The following AP2M1 variants were observed in gnomAD, a reference collection of about 807,000 sequenced individuals.
AP2M1 encodes adaptor related protein complex 2 subunit mu 1.
Under a neutral mutation model 54.5 loss-of-function variants are expected in AP2M1, and 5 were observed. The observed-to-expected ratio is 0.09, with a 90% CI of 0.05 to 0.19. The LOEUF is 0.19. Ranked by LOEUF, AP2M1 falls within the 10% of genes least tolerant of loss-of-function variation. The probability of loss-of-function intolerance (pLI) is 1.00; values close to 1 mark genes in which losing one functional copy is unlikely to be tolerated. For synonymous variants in AP2M1, 186 were observed against 208.2 expected (o/e 0.89, Z 0.92); for missense variants, 178 against 580.2 (o/e 0.31, Z 7.12).
chr3:184,182,437 C>T lies in AP2M1; in HGVS notation c.1061+189C>T, dbSNP rs1318571647. 1.6e-5 allele frequency: 10 copies of T among 629,068 alleles called. No individual in the cohort carries two copies. Among genetic ancestry groups the T allele is most frequent in the Admixed American group, 3.0e-5 (1 of 33,228 alleles). The allele number at this position is 629,068 out of a possible 1,614,324, so 39.0% of individuals were successfully genotyped here. On this transcript the variant is annotated intron_variant, in intron 10 of 11. Transcript: ENST00000292807. This position sits in a 1 kb window ranked among gnomAD's most constrained non-coding sequence, Gnocchi z 5.5. ...ACACGCCTGCATTTGGGTTCATGCA[C>T]GTGCTTATTTTTTAAGATGCTTTGG...
chr3:184,175,268 C>G (rs1715028861), intron 1 of AP2M1, among the ~76,000 whole-genome samples: 1 of 152,126 alleles, frequency 6.6e-6, no homozygotes, highest in Non-Finnish European at 1.5e-5. Context: ...TGCCAACCCC[C>G]TACCCCTCCG....
Position 184,176,935 on chromosome 3 carries a change from C to A in AP2M1, c.-43-16C>A. On this transcript the variant is annotated splice_polypyrimidine_tract_variant and intron_variant, in intron 1 of 11. Coordinates refer to ENST00000292807, the MANE Select transcript of AP2M1 (RefSeq NM_004068.4). ...GATTCTGAGGTCTTCTTTTACCCTGCCCCCGCCTGTCCTAGGTCTGTTCTC... is the reference window on the plus strand; with the variant it reads ...GATTCTGAGGTCTTCTTTTACCCTGACCCCGCCTGTCCTAGGTCTGTTCTC... The A allele has an allele frequency of 6.4e-7, 1 of 1,569,222 alleles. No individual in the cohort carries two copies. The highest frequency in any genetic ancestry group is 8.7e-7 in the Non-Finnish European group (1 of 1,149,124).
chr3:184,177,725 C>A, intron 2 of AP2M1: 2 of 1,014,792 alleles, frequency 2.0e-6, no homozygotes, highest in South Asian at 1.5e-5. Flanking sequence ...CCTGCCTTCT[C>A]ATTCTGCGCC....
At chr3:184,179,697 T>C (rs957200213) in intron 3 of AP2M1, among the ~76,000 whole-genome samples, 1 of 150,700 alleles carries the variant, frequency 6.6e-6, no homozygotes, top group African/African-American at 2.4e-5. Flanking sequence ...GTCTTGCTCT[T>C]GTCACCTATG....
chr3:184,180,601 C>G lies in AP2M1; in HGVS notation c.424-44C>G, dbSNP rs1357619606. On this transcript the variant is annotated intron_variant, in intron 4 of 11. Transcript: ENST00000292807. This position sits in a 1 kb window ranked among gnomAD's most constrained non-coding sequence, Gnocchi z 4.9. ...AGCTTTCTCCTCCTTTTCTGCCTCC[C>G]TTGCTGCTTCATGTGGGCACCTCGT... 9 of 1,613,222 alleles carry G rather than the reference C, an allele frequency of 5.6e-6. No homozygotes were observed. The highest frequency in any genetic ancestry group is 6.8e-6 in the Non-Finnish European group (8 of 1,180,028).
chr3:184,175,228 A>C, intron 1 of AP2M1: 1 of 371,718 alleles, frequency 2.7e-6, no homozygotes. Flanking sequence ...CAGAGCAGGA[A>C]CGCTGCGCAG....
In AP2M1 at chr3:184,181,504, A is replaced by T; in HGVS notation, c.708-192A>T. On this transcript the variant is annotated intron_variant, in intron 7 of 11. Transcript: ENST00000292807. This position sits in a 1 kb window ranked among gnomAD's most constrained non-coding sequence, Gnocchi z 5.7. ...TGCCTGAAACACCCAGGTCCCTAGC[A>T]GAAGGAGCCCCAAGAGATGAGCTTG... 1 of 875,668 alleles carries T rather than the reference A, an allele frequency of 1.1e-6. No individual in the cohort carries two copies. Among genetic ancestry groups the T allele is most frequent in the Non-Finnish European group, 1.7e-6 (1 of 584,698 alleles). 54.2% of individuals were successfully genotyped at this position (875,668 alleles called of 1,614,324 possible). A position where few individuals can be genotyped will look rare whatever the true frequency, so the allele number is the denominator to read the frequency against.
At chr3:184,176,763 T>G in intron 1 of AP2M1, 188 bp from the exon 2 acceptor site, 1 of 501,326 alleles carries the variant, frequency 2.0e-6, no homozygotes, top group African/African-American at 2.0e-5. Context: ...TCTGTTTCTT[T>G]CTCCCATCTA....
chr3:184,177,936 A>G (rs1715130707), intron 2 of AP2M1: 4 of 599,464 alleles, frequency 6.7e-6, no homozygotes, highest in South Asian at 2.0e-5. Context: ...GCGTTTGTCC[A>G]TTGGCTGGTG....
chr3:184,182,612 G>A lies in AP2M1; in HGVS notation c.1062-145G>A. The A allele has an allele frequency of 1.5e-6, 1 of 650,768 alleles. No homozygotes were observed. Among genetic ancestry groups the A allele is most frequent in the Non-Finnish European group, 2.7e-6 (1 of 370,928 alleles). 40.3% of individuals were successfully genotyped at this position (650,768 alleles called of 1,614,324 possible). A position where few individuals can be genotyped will look rare whatever the true frequency, so the allele number is the denominator to read the frequency against. On this transcript the variant is annotated intron_variant, in intron 10 of 11. Transcript: ENST00000292807. This position sits in a 1 kb window ranked among gnomAD's most constrained non-coding sequence, Gnocchi z 5.5. The stretch of plus-strand genomic sequence containing the variant: ...AAAGAAGTAGACCCAAGTTTCCATA[G>A]CAAGTGGTTAGCAGGGTCCTGACCA...
intron 3 of AP2M1, chr3:184,179,497 T>C (rs1333702699): frequency 3.7e-6 from 1 of 273,194 alleles, no homozygotes; most frequent in African/African-American, 2.2e-5. Context: ...GAGTGAGATA[T>C]TACAAGCCTC....
At position 184,182,432 on chromosome 3, in the gene AP2M1, A is replaced by G. The variant is rs2062026720; in HGVS notation, c.1061+184A>G. On this transcript the variant is annotated intron_variant, in intron 10 of 11. Transcript: ENST00000292807. The surrounding 1 kb of genome is among the most constrained non-coding windows in gnomAD (Gnocchi z 5.5). ...TATGTACACGCCTGCATTTGGGTTC[A>G]TGCACGTGCTTATTTTTTAAGATGC... 1.6e-6 allele frequency: 1 copy of G among 638,914 alleles called. No homozygotes were observed. The highest frequency in any genetic ancestry group is 2.7e-6 in the Non-Finnish European group (1 of 373,552). 39.6% of individuals were successfully genotyped at this position (638,914 alleles called of 1,614,324 possible).
chr3:184,175,715 C>A (rs1715051964), intron 1 of AP2M1, among the ~76,000 whole-genome samples: 1 of 152,146 alleles, frequency 6.6e-6, no homozygotes, highest in Non-Finnish European at 1.5e-5. Context: ...ACTAAATGTT[C>A]CATTCTTGCC....
chr3:184,183,900 C>A lies in AP2M1; in HGVS notation c.*284C>A. 2.7e-6 allele frequency: 1 copy of A among 369,274 alleles called. No homozygotes were observed. 22.9% of individuals were successfully genotyped at this position (369,274 alleles called of 1,614,324 possible). ...TTCTGTGACCAAAGCCAGGTGGGTTCCCTTTCCTTCCCACCCCTGTGGCCA... is the reference window on the plus strand; with the variant it reads ...TTCTGTGACCAAAGCCAGGTGGGTTACCTTTCCTTCCCACCCCTGTGGCCA... On this transcript the variant is annotated 3_prime_UTR_variant, in exon 12 of 12. Coordinates refer to ENST00000292807, the MANE Select transcript of AP2M1 (RefSeq NM_004068.4). This position sits in a 1 kb window ranked among gnomAD's most constrained non-coding sequence, Gnocchi z 5.7.
At position 184,182,257 on chromosome 3, in the gene AP2M1, T is replaced by C; in HGVS notation, c.1061+9T>C. 6.2e-7 allele frequency: 1 copy of C among 1,613,372 alleles called. No individual in the cohort carries two copies. Among genetic ancestry groups the C allele is most frequent in the Non-Finnish European group, 8.5e-7 (1 of 1,179,742 alleles). On this transcript the variant is annotated intron_variant, in intron 10 of 11. Coordinates refer to ENST00000292807, the MANE Select transcript of AP2M1 (RefSeq NM_004068.4). This position sits in a 1 kb window ranked among gnomAD's most constrained non-coding sequence, Gnocchi z 5.5. ...AATGCCATCGTGTGGAAGTGAGTCTTTCCTTCATTAGGCCACAGCAGGGCT... is the reference window on the plus strand; with the variant it reads ...AATGCCATCGTGTGGAAGTGAGTCTCTCCTTCATTAGGCCACAGCAGGGCT...
Position 184,178,173 on chromosome 3 carries a change from C to G in AP2M1, c.75-684C>G. 1 of 1,533,056 alleles carries G rather than the reference C, an allele frequency of 6.5e-7. No individual in the cohort carries two copies. Among genetic ancestry groups the G allele is most frequent in the Non-Finnish European group, 8.7e-7 (1 of 1,144,036 alleles). 95.0% of individuals were successfully genotyped at this position (1,533,056 alleles called of 1,614,324 possible). A position where few individuals can be genotyped will look rare whatever the true frequency, so the allele number is the denominator to read the frequency against. On this transcript the variant is annotated intron_variant, in intron 2 of 11. Coordinates refer to ENST00000292807, the MANE Select transcript of AP2M1 (RefSeq NM_004068.4). The surrounding 1 kb of genome is among the most constrained non-coding windows in gnomAD (Gnocchi z 4.9). The stretch of plus-strand genomic sequence containing the variant: ...CTCTCGTTGCTATCACTCTCCTCTT[C>G]TTGCTGGCGTCATTTCTCTCATCCC...
Position 184,178,295 on chromosome 3 carries a change from T to C in AP2M1, c.75-562T>C. The C allele has an allele frequency of 1.3e-6, 2 of 1,484,810 alleles. No homozygotes were observed. The highest frequency in any genetic ancestry group is 1.2e-5 in the South Asian group (1 of 83,006). The allele number at this position is 1,484,810 out of a possible 1,614,324, so 92.0% of individuals were successfully genotyped here. On this transcript the variant is annotated intron_variant, in intron 2 of 11. Coordinates refer to ENST00000292807, the MANE Select transcript of AP2M1 (RefSeq NM_004068.4). The surrounding 1 kb of genome is among the most constrained non-coding windows in gnomAD (Gnocchi z 4.9). The stretch of plus-strand genomic sequence containing the variant: ...CTGCCCCCATCGTTTTCCTGCATCC[T>C]TTTTCATTCCCTCAACTTGCTCTGG...
intron 2 of AP2M1, chr3:184,177,709 C>T: frequency 4.4e-6 from 5 of 1,146,624 alleles, no homozygotes; most frequent in South Asian, 1.4e-5. Flanking sequence ...TCACACAGAG[C>T]CACAGCCTGC....
At chr3:184,179,473 C>T (rs1022321788) in intron 3 of AP2M1, 2 of 297,638 alleles carry the variant, frequency 6.7e-6, no homozygotes, top group African/African-American at 4.3e-5. Context: ...GCAGCTGCTT[C>T]AGAGCCTGGG....
Sources: allele counts gnomAD v4.1 joint callset (sites outside exome capture counted in the v4.1 genomes callset), GRCh38; gene constraint gnomAD v4.1.1; non-coding constraint Gnocchi (gnomAD v3.1); transcripts MANE v1.5; gene names NCBI Gene and HGNC (gene_info 2026-07-23, HGNC 2026-07-21).